Variants in NPHS1 observed in about 807,000 individuals in gnomAD.
The protein encoded by NPHS1 is NPHS1 adhesion molecule, nephrin.
In NPHS1, 107 loss-of-function variants were observed where a neutral mutation model predicts 139.7. The ratio of observed to expected loss-of-function variants is 0.77; its 90% confidence interval spans 0.66 to 0.90. The LOEUF is 0.90. Among genes scored for constraint, NPHS1 ranks in the 40% least tolerant of loss-of-function variants. NPHS1 has a pLI of 0.00. For missense variants in NPHS1, 1,580 were observed against 1,654.2 expected, an observed-to-expected ratio of 0.96 and a Z score of 0.78; for synonymous variants, 707 against 706.6, an observed-to-expected ratio of 1.00 and a Z score of -0.01.
rs780103417 is a variant in NPHS1 at position 35,841,823 on chromosome 19, G to C, written c.2707C>G (p.Leu903Val). The change falls in exon 20 of 29, where the codon CTC (leucine) becomes GTC (valine). Residue 903 changes from leucine (L) to valine (V), a missense_variant. Physicochemically the swap from Leu to Val is conservative, Grantham distance 32. Transcript: ENST00000378910. ...GCAGACACGTTGGCAATGGTCAGGA[G>C]GCTGCTGTGGACACCACCCTGGTGG... ...TYHQGGVHSS[L>V]LTIANVSAAQ... The C allele has an allele frequency of 3.1e-6, 5 of 1,614,004 alleles. No homozygotes were observed. In the South Asian group the frequency reaches 5.5e-5, roughly 18 times the overall value.
chr19:35,836,471 C>A (rs1365363644), intron 22 of NPHS1, among the ~76,000 whole-genome samples: 1 of 152,062 alleles, frequency 6.6e-6, no homozygotes, highest in African/African-American at 2.4e-5. Context: ...GTCCTTTTCA[C>A]CCGAATTATC....
At chr19:35,831,454 A>G (rs572095418) in intron 25 of NPHS1, 22 bp downstream of exon 25, 3 of 1,612,534 alleles carry the variant, frequency 1.9e-6, no homozygotes, top group East Asian at 2.2e-5. Flanking sequence ...AGCCTTCTTT[A>G]CAGAAAAATA....
In NPHS1 at chr19:35,844,138, C is replaced by T. The variant is rs1973101206; in HGVS notation, c.2177G>A (p.Gly726Asp). 6 of 1,609,224 alleles carry T rather than the reference C, an allele frequency of 3.7e-6. No individual in the cohort carries two copies. The highest frequency in any genetic ancestry group is 5.1e-6 in the Non-Finnish European group (6 of 1,179,970). Reference sequence around the variant, plus strand: ...CAGCCGCAGCCGCGCTTCCGCGGTGCCCTCAGAGTTCTGGCAGTGCAGCTG... The same window carrying T: ...CAGCCGCAGCCGCGCTTCCGCGGTGTCCTCAGAGTTCTGGCAGTGCAGCTG... ...LYQLHCQNSE[G>D]TAEARLRLDV... is the part of the protein sequence containing the mutation. The change falls in exon 16 of 29, where the codon GGC (glycine) becomes GAC (aspartate). Residue 726 changes from glycine (G) to aspartate (D), a missense_variant. Physicochemically the swap from Gly to Asp is moderately conservative, Grantham distance 94. Transcript: ENST00000378910.
chr19:35,847,859 G>T, intron 11 of NPHS1, 182 bp downstream of exon 11: 3 of 599,072 alleles, frequency 5.0e-6, no homozygotes, highest in South Asian at 2.9e-5. Context: ...ATTTTCCTAG[G>T]ATTCCATTTA....
intron 1 of NPHS1, 49 bp from the exon 2 acceptor site, chr19:35,851,721 A>C (rs1376265660): frequency 5.7e-6 from 9 of 1,574,144 alleles, no homozygotes; most frequent in Non-Finnish European, 7.8e-6. Flanking sequence ...TTGTCTAGGG[A>C]AGGTAAGTGG....
intron 22 of NPHS1, among the ~76,000 whole-genome samples, chr19:35,837,046 G>GAAAC (rs748902654): frequency 2.5e-5 from 3 of 122,216 alleles, no homozygotes; most frequent in African/African-American, 3.8e-5. Flanking sequence ...AAGAAAGAAA[G>GAAAC]AAAGAAAGAA....
intron 22 of NPHS1, among the ~76,000 whole-genome samples, chr19:35,836,451 G>A (rs78257395): frequency 0.035 from 5,383 of 151,902 alleles, 332 homozygotes; most frequent in African/African-American, 0.12. Flanking sequence ...GAGCACTTTC[G>A]GTGTGCAAGG....
chr19:35,837,056 AAGAAAGAAAGAAAGAAAAAT>A (rs1413227538), intron 22 of NPHS1, among the ~76,000 whole-genome samples: 3 of 140,022 alleles, frequency 2.1e-5, no homozygotes, highest in Admixed American at 7.1e-5. Flanking sequence ...GAAAGAAAGA[AAGAAAGAAAGAAAGAAAAAT>A]AAACTGAGCC....
At chr19:35,837,233 T>A (rs1027421715) in intron 22 of NPHS1, among the ~76,000 whole-genome samples, 1 of 152,176 alleles carries the variant, frequency 6.6e-6, no homozygotes, top group Admixed American at 6.5e-5. Flanking sequence ...CCTATCAGAA[T>A]TGTAACATAT....
chr19:35,837,955 A>AC (rs1972994966), intron 22 of NPHS1, among the ~76,000 whole-genome samples: 1 of 151,254 alleles, frequency 6.6e-6, no homozygotes, highest in African/African-American at 2.4e-5. Flanking sequence ...AAAAAAAAAA[A>AC]AAAAACGAAA....
rs774078564 is a variant in NPHS1 at position 35,844,150 on chromosome 19, T to C, written c.2165A>G (p.Gln722Arg). ...ADDGLYQLHC[Q>R]NSEGTAEARL... ...CGCTTCCGCGGTGCCCTCAGAGTTC[T>C]GGCAGTGCAGCTGATAGAGGCCGTC... is the stretch of plus-strand genomic sequence containing the variant. The change falls in exon 16 of 29, where the codon CAG (glutamine) becomes CGG (arginine). Residue 722 changes from glutamine (Q) to arginine (R), a missense_variant. By Grantham distance (43) the Gln-to-Arg change is conservative (BLOSUM62 1). Coordinates refer to ENST00000378910, the MANE Select transcript of NPHS1 (RefSeq NM_004646.4). 2 of 1,610,184 alleles carry C rather than the reference T, an allele frequency of 1.2e-6. No individual in the cohort carries two copies. The highest frequency in any genetic ancestry group is 2.2e-5 in the East Asian group (1 of 44,892).
rs558182499 is a variant in NPHS1, at chr19:35,827,433, C to T, written c.3595-788G>A. ...AGCCATGATCATGCCACTGCACTCCCGCCTGGGTGACAGACTGAGACTATC... is the reference window on the plus strand; with the variant it reads ...AGCCATGATCATGCCACTGCACTCCTGCCTGGGTGACAGACTGAGACTATC... On this transcript the variant is annotated intron_variant, in intron 28 of 28. Coordinates refer to ENST00000378910, the MANE Select transcript of NPHS1 (RefSeq NM_004646.4). 2.0e-5 allele frequency among the ~76,000 whole-genome samples: 3 copies of T among 151,804 alleles called. No homozygotes were observed. The East Asian group carries it at 5.8e-4, about 30-fold the overall frequency.
chr19:35,837,587 T>C (rs1014205362), intron 22 of NPHS1, among the ~76,000 whole-genome samples: 33 of 149,266 alleles, frequency 2.2e-4, no homozygotes, highest in East Asian at 1.2e-3. Flanking sequence ...GCTTCTTTCT[T>C]TCTCTCTCTC....
intron 22 of NPHS1, among the ~76,000 whole-genome samples, chr19:35,837,938 T>TA (rs1200757977): frequency 0.065 from 6,444 of 99,306 alleles, 270 homozygotes; most frequent in African/African-American, 0.13. Flanking sequence ...GTTATTCTCT[T>TA]AAAAAAAAAA....
Position 35,845,423 on chromosome 19 carries a change from G to C in NPHS1, c.1875C>G (p.Ala625=), listed in dbSNP as rs771165897. Residue 625 remains alanine, a synonymous_variant, in exon 14 of 29, where the codon GCC becomes GCG. Coordinates refer to ENST00000378910, the MANE Select transcript of NPHS1 (RefSeq NM_004646.4). This position sits in a 1 kb window ranked among gnomAD's most constrained non-coding sequence, Gnocchi z 5.5. ...RDHGQRVTCR[A]HSAELRETVS... is the part of the protein sequence containing the mutation. ...CGGTTTCGCGGAGCTCGGCGCTGTG[G>C]GCGCGGCAGGTCACGCGCTGGCCAT... is the stretch of plus-strand genomic sequence containing the variant. 13 of 1,614,238 alleles carry C rather than the reference G, an allele frequency of 8.1e-6. No individual in the cohort carries two copies. In the Admixed American group the frequency reaches 2.0e-4, roughly 25 times the overall value.
chr19:35,848,331 G>C lies in NPHS1; in HGVS notation c.1237C>G (p.Leu413Val), dbSNP rs769675313. The C allele has an allele frequency of 1.2e-6, 2 of 1,614,034 alleles. No individual in the cohort carries two copies. The highest frequency in any genetic ancestry group is 2.7e-5 in the African/African-American group (2 of 74,932). ...TFLARREDNGLTLTCEAFSEA... is the reference protein window; with the variant it reads ...TFLARREDNGVTLTCEAFSEA... ...CTGAAGGCCTCACATGTGAGGGTCA[G>C]ACCGTTGTCCTCCCGCCGCGCCAGG... Residue 413 changes from leucine (L) to valine (V), a missense_variant, in exon 10 of 29, where the codon CTG becomes GTG. Transcript: ENST00000378910.
chr19:35,843,553 C>T lies in NPHS1; in HGVS notation c.2253G>A (p.Val751=), dbSNP rs1330388403. The T allele has an allele frequency of 1.2e-6, 2 of 1,614,166 alleles. No individual in the cohort carries two copies. The highest frequency in any genetic ancestry group is 2.7e-5 in the African/African-American group (2 of 75,056). Residue 751 remains valine (V), a synonymous_variant, in exon 17 of 29, where the codon GTG becomes GTA. Coordinates refer to ENST00000378910, the MANE Select transcript of NPHS1 (RefSeq NM_004646.4). ...CTATGTCCACAGAACCCCCGACGTT[C>T]ACCTCAGTGGGGTCCTGGAGGGCAC... is the stretch of plus-strand genomic sequence containing the variant. ...TIRALQDPTE[V]NVGGSVDIVC...
chr19:35,851,898 C>G lies in NPHS1; in HGVS notation c.-61G>C, dbSNP rs75799457. Reference sequence around the variant, plus strand: ...CTGCCAGCCACCTGCGTCTGTCTGGCTTTCTCTGGGTCCCTCTCTGTGTGT... The same window carrying G: ...CTGCCAGCCACCTGCGTCTGTCTGGGTTTCTCTGGGTCCCTCTCTGTGTGT... On this transcript the variant is annotated 5_prime_UTR_variant, in exon 1 of 29. Transcript: ENST00000378910. The G allele has an allele frequency of 6.9e-7, 1 of 1,456,980 alleles. No individual in the cohort carries two copies. The highest frequency in any genetic ancestry group is 1.4e-5 in the African/African-American group (1 of 71,096). 90.3% of individuals were successfully genotyped at this position (1,456,980 alleles called of 1,614,324 possible).
At chr19:35,849,923 G>A (rs1470765833) in intron 5 of NPHS1, among the ~76,000 whole-genome samples, 1 of 152,128 alleles carries the variant, frequency 6.6e-6, no homozygotes, top group Non-Finnish European at 1.5e-5. Flanking sequence ...TTATTTGTTT[G>A]TTTGTCTTTT....
Sources: allele counts gnomAD v4.1 joint callset (sites outside exome capture counted in the v4.1 genomes callset), GRCh38; gene constraint gnomAD v4.1.1; non-coding constraint Gnocchi (gnomAD v3.1); transcripts MANE v1.5; gene names NCBI Gene and HGNC (gene_info 2026-07-23, HGNC 2026-07-21).